The following GALNS variants were observed in gnomAD, a reference collection of about 807,000 sequenced individuals.
The protein encoded by GALNS is N-acetylgalactosamine-6-sulfatase.
In GALNS, 65 loss-of-function variants were observed where a neutral mutation model predicts 65.9. That is an observed-to-expected ratio of 0.99 (90% CI 0.81 to 1.21). The LOEUF (loss-of-function observed/expected upper bound fraction) is 1.21. Ranked by LOEUF, GALNS falls within the 50% of genes most tolerant of loss-of-function variation. GALNS has a pLI of 0.00. For synonymous variants in GALNS, 346 were observed against 288.9 expected, an observed-to-expected ratio of 1.20 and a Z score of -2.00; for missense variants, 776 against 700.7, an observed-to-expected ratio of 1.11 and a Z score of -1.21.
intron 1 of GALNS, among the ~76,000 whole-genome samples, chr16:88,853,088 T>C (rs1057407304): frequency 6.6e-6 from 1 of 150,984 alleles, no homozygotes; most frequent in Non-Finnish European, 1.5e-5. Context: ...CCGTCTCCAC[T>C]AGAAATACAA....
intron 10 of GALNS, among the ~76,000 whole-genome samples, chr16:88,826,094 A>G (rs1025208539): frequency 6.6e-6 from 1 of 151,000 alleles, no homozygotes; most frequent in Non-Finnish European, 1.5e-5. Context: ...AGGAAGCTAC[A>G]GGAAGCCATG....
At chr16:88,855,362 G>A (rs1967759322) in intron 1 of GALNS, 1 of 701,610 alleles carries the variant, frequency 1.4e-6, no homozygotes, top group African/African-American at 1.8e-5. Context: ...CTGAAACAAA[G>A]TATCTACACT....
In GALNS at chr16:88,818,307, G is replaced by A. The variant is rs753086348; in HGVS notation, c.1365-183C>T. Among the ~76,000 whole-genome samples, 11 of 152,280 alleles carry A rather than the reference G, an allele frequency of 7.2e-5. No homozygotes were observed. The East Asian group carries it at 7.7e-4, about 11-fold the overall frequency. On this transcript the variant is annotated intron_variant, in intron 12 of 13. Coordinates refer to ENST00000268695, the MANE Select transcript of GALNS (RefSeq NM_000512.5). ...TCGCTAGGACAGGCAGCAGGCACCC[G>A]AGCCATCCTCTGCCCTCAGACTCAC... is the stretch of plus-strand genomic sequence containing the variant.
chr16:88,815,785 G>A (rs1909558450), intron 13 of GALNS: 4 of 985,356 alleles, frequency 4.1e-6, no homozygotes, highest in Middle Eastern at 5.2e-4. Context: ...CAGAGCAGGA[G>A]TGGGTTTGGG....
In GALNS at chr16:88,836,254, A is replaced by T; in HGVS notation, c.580T>A (p.Phe194Ile). ...WEMVGRYYEE[F>I]PINLKTGEAN... ...TCCCCCGTCTTCAGATTAATAGGAA[A>T]TTCTTCATAATATCTGAAAAGAACA... Residue 194 changes from phenylalanine to isoleucine, a missense_variant, in exon 6 of 14, where the codon TTT becomes ATT. Coordinates refer to ENST00000268695, the MANE Select transcript of GALNS (RefSeq NM_000512.5). 1.2e-6 allele frequency: 2 copies of T among 1,612,650 alleles called. No homozygotes were observed. Among genetic ancestry groups the T allele is most frequent in the Non-Finnish European group, 1.7e-6 (2 of 1,179,488 alleles).
At chr16:88,854,388 C>T (rs1238408318) in intron 1 of GALNS, among the ~76,000 whole-genome samples, 1 of 152,234 alleles carries the variant, frequency 6.6e-6, no homozygotes, top group Non-Finnish European at 1.5e-5. Context: ...CACCTCGGGG[C>T]TCCACTGTGA....
At position 88,835,469 on chromosome 16, in the gene GALNS, A is replaced by G. The variant is rs1434934061; in HGVS notation, c.759-117T>C. The G allele has an allele frequency of 7.8e-6, 11 of 1,407,632 alleles. No individual in the cohort carries two copies. In the Admixed American group the frequency reaches 1.5e-4, roughly 19 times the overall value. The allele number at this position is 1,407,632 out of a possible 1,614,324, so 87.2% of individuals were successfully genotyped here. On this transcript the variant is annotated intron_variant, in intron 7 of 13. Coordinates refer to ENST00000268695, the MANE Select transcript of GALNS (RefSeq NM_000512.5). The stretch of plus-strand genomic sequence containing the variant: ...ATTAAATCATAACTTCACAGACCAC[A>G]GTGAAACTGGCCGGCCTCTTCCCAG...
At chr16:88,830,353 G>C (rs12325267) in intron 9 of GALNS, among the ~76,000 whole-genome samples, 1 of 151,916 alleles carries the variant, frequency 6.6e-6, no homozygotes, top group Non-Finnish European at 1.5e-5. Flanking sequence ...CTAGGATTGG[G>C]AAAAGGCAGG....
chr16:88,839,157 C>A (rs1410285794), intron 4 of GALNS, among the ~76,000 whole-genome samples: 1 of 151,428 alleles, frequency 6.6e-6, no homozygotes, highest in Non-Finnish European at 1.5e-5. Flanking sequence ...CGTGCGCCCA[C>A]GTCCGCTGGT....
At chr16:88,834,764 G>A (rs1345556519) in intron 8 of GALNS, among the ~76,000 whole-genome samples, 1 of 152,178 alleles carries the variant, frequency 6.6e-6, no homozygotes, top group Non-Finnish European at 1.5e-5. Context: ...CAGGGCTGTG[G>A]TGGGGGCAGG....
At chr16:88,831,121 C>T (rs1176629185) in intron 9 of GALNS, among the ~76,000 whole-genome samples, 3 of 152,232 alleles carry the variant, frequency 2.0e-5, no homozygotes, top group African/African-American at 7.2e-5. Flanking sequence ...TACGTGGCTC[C>T]AGTCCCCACC....
rs1395066379 is a variant in GALNS, at chr16:88,842,809, C to T, written c.141G>A (p.Gly47=). 1 of 1,613,290 alleles carries T rather than the reference C, an allele frequency of 6.2e-7. No individual in the cohort carries two copies. Among genetic ancestry groups the T allele is most frequent in the African/African-American group, 1.3e-5 (1 of 74,938 alleles). The change falls in exon 2 of 14, where the codon GGG becomes GGA. Residue 47 remains glycine (G), a synonymous_variant. Transcript: ENST00000268695. ...LMDDMGWGDL[G]VYGEPSRETP... is the part of the protein sequence containing the mutation. The stretch of plus-strand genomic sequence containing the variant: ...TCTCTCTGGAGGGCTCTCCATACAC[C>T]CCGAGGTCACCCCATCCCATCTGCA...
At chr16:88,831,932 G>T in intron 9 of GALNS, 66 bp downstream of exon 9, 3 of 1,378,018 alleles carry the variant, frequency 2.2e-6, no homozygotes, top group Non-Finnish European at 3.1e-6. Flanking sequence ...AGTGAGGGGC[G>T]CACACACCCT....
At chr16:88,824,003 C>A (rs1189733335) in intron 11 of GALNS, among the ~76,000 whole-genome samples, 1 of 152,220 alleles carries the variant, frequency 6.6e-6, no homozygotes, top group Non-Finnish European at 1.5e-5. Flanking sequence ...CACTGCCCCA[C>A]GAGCAGCTTC....
intron 9 of GALNS, among the ~76,000 whole-genome samples, chr16:88,831,284 A>G (rs1185634781): frequency 0.012 from 1,070 of 85,708 alleles, 26 homozygotes; most frequent in African/African-American, 0.059. Flanking sequence ...TGGGGAGGAG[A>G]GCGGTGAGGC....
chr16:88,853,188 T>A (rs1166867542), intron 1 of GALNS, among the ~76,000 whole-genome samples: 1 of 133,322 alleles, frequency 7.5e-6, no homozygotes, highest in Non-Finnish European at 1.6e-5. Flanking sequence ...GAGACGGAGG[T>A]TGCAGTGAGC....
chr16:88,842,549 T>G, intron 2 of GALNS, 157 bp downstream of exon 2: 2 of 885,588 alleles, frequency 2.3e-6, no homozygotes, highest in Non-Finnish European at 3.4e-6. Flanking sequence ...CGGGCTGGGA[T>G]TTGATGAGAA....
At chr16:88,850,327 G>A (rs1386626314) in intron 1 of GALNS, among the ~76,000 whole-genome samples, 2 of 152,184 alleles carry the variant, frequency 1.3e-5, no homozygotes, top group Non-Finnish European at 1.5e-5. Flanking sequence ...TTCCCGAGGC[G>A]GGTCTGGCCT....
chr16:88,855,118 G>A (rs922209075), intron 1 of GALNS: 13 of 511,408 alleles, frequency 2.5e-5, no homozygotes, highest in African/African-American at 7.8e-5. Flanking sequence ...AAAAGCAGAA[G>A]TAGGTGAAAT....
Sources: allele counts gnomAD v4.1 joint callset (sites outside exome capture counted in the v4.1 genomes callset), GRCh38; gene constraint gnomAD v4.1.1; transcripts MANE v1.5; gene names NCBI Gene and HGNC (gene_info 2026-07-23, HGNC 2026-07-21).